The following BTBD9 variants were observed in gnomAD, a reference collection of about 807,000 sequenced individuals.
The protein encoded by BTBD9 is BTB domain containing 9, also known as BTB/POZ domain-containing protein 9.
BTBD9 carries 49 observed loss-of-function variants against 64.3 expected under a neutral mutation model. The ratio of observed to expected loss-of-function variants is 0.76; its 90% CI spans 0.61 to 0.97. The LOEUF is 0.97. BTBD9 is among the 50% of genes least tolerant of loss of function. BTBD9 has a pLI of 0.00. For synonymous variants in BTBD9, 260 were observed against 274.7 expected (o/e 0.95, Z 0.53); for missense variants, 598 against 762.1 (o/e 0.78, Z 2.53).
At chr6:38,322,083 C>T (rs939756421) in intron 7 of BTBD9, among the ~76,000 whole-genome samples, 2 of 152,008 alleles carry the variant, frequency 1.3e-5, no homozygotes, top group African/African-American at 2.4e-5. Flanking sequence ...TCCCACCAAA[C>T]GAGAAGGAAG....
Position 38,380,884 on chromosome 6 carries a change from TTTAGAATAGCAAATTAAAAATGCATG to T in BTBD9, c.1155-35817_1155-35792del, listed in dbSNP as rs1416320189. Reference sequence around the variant, plus strand: ...AAAAAGGGTAAAGAAATGGTTTAACTTTAGAATAGCAAATTAAAAATGCATGTTAGAATAGCAAATTAAAAATGCAT... The same window carrying T: ...AAAAAGGGTAAAGAAATGGTTTAACTTTAGAATAGCAAATTAAAAATGCAT... On this transcript the variant is annotated intron_variant, in intron 6 of 10. Transcript: ENST00000481247. 2.1e-4 allele frequency among the ~76,000 whole-genome samples: 32 copies of T among 151,982 alleles called. No individual in the cohort carries two copies. The East Asian group carries it at 3.7e-3, about 17-fold the overall frequency.
At chr6:38,407,496 C>CA (rs560727043) in intron 6 of BTBD9, among the ~76,000 whole-genome samples, 208 of 152,202 alleles carry the variant, frequency 1.4e-3, no homozygotes, top group African/African-American at 4.0e-3. Flanking sequence ...GCAGACCAGC[C>CA]ACAGTTCTTC....
At chr6:38,626,691 A>T (rs1778179827) in intron 1 of BTBD9, among the ~76,000 whole-genome samples, 1 of 152,214 alleles carries the variant, frequency 6.6e-6, no homozygotes, top group Non-Finnish European at 1.5e-5. Flanking sequence ...ATAAGTTAGA[A>T]ATAGCGGGGC....
intron 7 of BTBD9, among the ~76,000 whole-genome samples, chr6:38,305,147 GA>G (rs1216740491): frequency 1.3e-5 from 2 of 152,084 alleles, no homozygotes; most frequent in Non-Finnish European, 2.9e-5. Flanking sequence ...GGAAAGCTAG[GA>G]AAATCTAAAA....
At chr6:38,325,578 G>A (rs900746948) in intron 7 of BTBD9, among the ~76,000 whole-genome samples, 6 of 152,226 alleles carry the variant, frequency 3.9e-5, no homozygotes, top group East Asian at 1.9e-4. Context: ...TCAGCTACTC[G>A]GGAGGCTGAG....
chr6:38,348,898 G>A (rs1764390424), intron 6 of BTBD9, among the ~76,000 whole-genome samples: 1 of 152,042 alleles, frequency 6.6e-6, no homozygotes, highest in Non-Finnish European at 1.5e-5. Flanking sequence ...TCACTTAAGG[G>A]AAAAAAATAA....
At chr6:38,335,105 G>T (rs1763843107) in intron 7 of BTBD9, among the ~76,000 whole-genome samples, 1 of 152,064 alleles carries the variant, frequency 6.6e-6, no homozygotes, top group Admixed American at 6.6e-5. Context: ...TGCCATGTAA[G>T]GTGTGCCTTG....
chr6:38,187,516 G>C (rs531802152), intron 10 of BTBD9, among the ~76,000 whole-genome samples: 40 of 152,326 alleles, frequency 2.6e-4, no homozygotes, highest in Admixed American at 2.4e-3. Flanking sequence ...AGACAAAGGA[G>C]TCGGGGGAAG....
chr6:38,510,923 G>A (rs572937379), intron 6 of BTBD9, among the ~76,000 whole-genome samples: 8 of 152,070 alleles, frequency 5.3e-5, no homozygotes, highest in Admixed American at 1.3e-4. Flanking sequence ...GTCGTTTTCC[G>A]GTTAAATTTT....
intron 6 of BTBD9, among the ~76,000 whole-genome samples, chr6:38,573,110 A>C (rs1157374846): frequency 1.3e-5 from 2 of 152,258 alleles, no homozygotes; most frequent in South Asian, 4.1e-4. Flanking sequence ...AGAAATTAAC[A>C]AATGGCCAGT....
intron 6 of BTBD9, among the ~76,000 whole-genome samples, chr6:38,563,930 C>T (rs1417961127): frequency 1.3e-5 from 2 of 151,732 alleles, no homozygotes; most frequent in African/African-American, 4.8e-5. Context: ...TACAGGCGCC[C>T]GCCACCACGC....
chr6:38,280,539 A>G (rs565401966), intron 8 of BTBD9, among the ~76,000 whole-genome samples: 1 of 152,344 alleles, frequency 6.6e-6, no homozygotes, highest in African/African-American at 2.4e-5. Context: ...ATATATTTAG[A>G]TGTTTGCTGT....
chr6:38,492,018 A>G (rs1399807386), intron 6 of BTBD9, among the ~76,000 whole-genome samples: 2 of 152,206 alleles, frequency 1.3e-5, no homozygotes, highest in African/African-American at 4.8e-5. Context: ...AAAGTTCTCA[A>G]TAAATTAAAT....
intron 9 of BTBD9, among the ~76,000 whole-genome samples, chr6:38,221,536 G>T (rs528642310): frequency 6.6e-6 from 1 of 152,110 alleles, no homozygotes; most frequent in African/African-American, 2.4e-5. Flanking sequence ...AGTGCCGCCC[G>T]TCAATGAACC....
intron 6 of BTBD9, among the ~76,000 whole-genome samples, chr6:38,462,226 T>C (rs893270623): frequency 6.6e-6 from 1 of 152,192 alleles, no homozygotes; most frequent in Non-Finnish European, 1.5e-5. Flanking sequence ...TTAAATACGT[T>C]TGCCTAAACA....
chr6:38,531,768 A>G (rs981353306), intron 6 of BTBD9, among the ~76,000 whole-genome samples: 23 of 152,206 alleles, frequency 1.5e-4, no homozygotes, highest in Non-Finnish European at 2.8e-4. Flanking sequence ...TTATGCAATC[A>G]CTATTAAGTT....
intron 9 of BTBD9, among the ~76,000 whole-genome samples, chr6:38,248,026 C>T (rs904790150): frequency 7.9e-5 from 12 of 151,914 alleles, no homozygotes; most frequent in African/African-American, 7.2e-5. Flanking sequence ...AAATAATTTC[C>T]GTAATCCCTT....
intron 6 of BTBD9, among the ~76,000 whole-genome samples, chr6:38,421,621 T>C (rs1007264691): frequency 6.6e-6 from 1 of 152,224 alleles, no homozygotes; most frequent in Non-Finnish European, 1.5e-5. Flanking sequence ...TAGTGGTTCA[T>C]AGTAATATAG....
At chr6:38,318,581 CAG>C (rs1178920367) in intron 7 of BTBD9, among the ~76,000 whole-genome samples, 2 of 152,216 alleles carry the variant, frequency 1.3e-5, no homozygotes, top group Non-Finnish European at 2.9e-5. Context: ...GATTGCCAGA[CAG>C]AGACTCTTGT....
Sources: gnomAD v4.1 joint callset for allele counts (sites outside exome capture counted in the v4.1 genomes callset) on GRCh38, gnomAD v4.1.1 for gene constraint, MANE v1.5 for transcripts, NCBI Gene and HGNC (gene_info 2026-07-23, HGNC 2026-07-21) for gene names.